RYR2: variants seen among roughly 807,000 people sequenced by gnomAD.
RYR2 encodes the protein ryanodine receptor 2.
RYR2 carries 227 observed loss-of-function variants against 601.1 expected under a neutral mutation model. The observed-to-expected ratio is 0.38, with a 90% CI of 0.34 to 0.42. RYR2 has a LOEUF of 0.42. RYR2 is among the 10% of genes least tolerant of loss of function. The probability of loss-of-function intolerance (pLI) is 1.00; values close to 1 mark genes in which losing one functional copy is unlikely to be tolerated. For missense variants in RYR2, 4,646 were observed against 6,156.5 expected (o/e 0.75, Z 8.21); for synonymous variants, 2,223 against 2,175.1 (o/e 1.02, Z -0.61).
intron 63 of RYR2, among the ~76,000 whole-genome samples, chr1:237,694,242 C>A (rs954317470): frequency 6.7e-6 from 1 of 148,258 alleles, no homozygotes; most frequent in African/African-American, 2.5e-5. Context: ...TGCAGTGAGC[C>A]GAGATCATGC....
intron 1 of RYR2, among the ~76,000 whole-genome samples, chr1:237,104,832 T>G (rs541873727): frequency 6.6e-6 from 1 of 152,332 alleles, no homozygotes; most frequent in East Asian, 1.9e-4. Context: ...TGCCTGTGCG[T>G]GGCAGGCCCT....
rs564423993 is a variant in RYR2, at chr1:237,769,093, G to A, written c.11477-1714G>A. On this transcript the variant is annotated intron_variant, in intron 84 of 104. Coordinates refer to ENST00000366574, the MANE Select transcript of RYR2 (RefSeq NM_001035.3). ...TTCTAGTAAGGGTTACTTCTTTCACGAATATATGAACACTTAAAGTGTGTA... is the reference window on the plus strand; with the variant it reads ...TTCTAGTAAGGGTTACTTCTTTCACAAATATATGAACACTTAAAGTGTGTA... Among the ~76,000 whole-genome samples, 11 of 152,092 alleles carry A rather than the reference G, an allele frequency of 7.2e-5. No homozygotes were observed. The South Asian group carries it at 1.2e-3, about 17-fold the overall frequency.
At position 237,081,967 on chromosome 1, in the gene RYR2, A is replaced by T. The variant is rs141888912; in HGVS notation, c.48+39398A>T. 7.1e-3 allele frequency among the ~76,000 whole-genome samples: 1,082 copies of T among 152,276 alleles called. 7 individuals are homozygous for T. Among genetic ancestry groups the T allele is most frequent in the Non-Finnish European group, 0.011 (756 of 68,024 alleles). On this transcript the variant is annotated intron_variant, in intron 1 of 104. Coordinates refer to ENST00000366574, the MANE Select transcript of RYR2 (RefSeq NM_001035.3). ...AGGGAAAGGCTAATTACTCCAAGATAACTGTGATTTCTTAATGGGGAGAAG... is the reference window on the plus strand; with the variant it reads ...AGGGAAAGGCTAATTACTCCAAGATTACTGTGATTTCTTAATGGGGAGAAG...
At chr1:237,454,104 G>T (rs897688172) in intron 14 of RYR2, among the ~76,000 whole-genome samples, 2 of 152,070 alleles carry the variant, frequency 1.3e-5, no homozygotes, top group Non-Finnish European at 2.9e-5. Context: ...AAATCAACTG[G>T]TTTCTGAACA....
intron 19 of RYR2, among the ~76,000 whole-genome samples, chr1:237,493,863 T>G (rs527982143): frequency 3.3e-5 from 5 of 152,320 alleles, no homozygotes; most frequent in African/African-American, 7.2e-5. Flanking sequence ...AGATCTGCCT[T>G]CCAAGGCACC....
intron 88 of RYR2, among the ~76,000 whole-genome samples, chr1:237,781,255 G>T (rs1695083550): frequency 6.6e-6 from 1 of 152,006 alleles, no homozygotes; most frequent in Admixed American, 6.6e-5. Flanking sequence ...TTGCCATGTT[G>T]CCCAGCCTGG....
In RYR2 at chr1:237,573,283, C is replaced by T. The variant is rs183594558; in HGVS notation, c.3598+3964C>T. 2.0e-4 allele frequency among the ~76,000 whole-genome samples: 30 copies of T among 151,692 alleles called. No individual in the cohort carries two copies. In the East Asian group the frequency reaches 5.1e-3, roughly 26 times the overall value. Reference sequence around the variant, plus strand: ...GCATACATATGTATATGTGTGTATGCGCACACATACACACAGACACATGCT... The same window carrying T: ...GCATACATATGTATATGTGTGTATGTGCACACATACACACAGACACATGCT... On this transcript the variant is annotated intron_variant, in intron 29 of 104. Transcript: ENST00000366574.
At chr1:237,713,657 A>C (rs1204366280) in intron 71 of RYR2, among the ~76,000 whole-genome samples, 3 of 152,140 alleles carry the variant, frequency 2.0e-5, no homozygotes, top group African/African-American at 7.2e-5. Flanking sequence ...TCGGCCTCCC[A>C]AAGTACCTGG....
chr1:237,186,742 GT>G (rs1450947052), intron 1 of RYR2, among the ~76,000 whole-genome samples: 1 of 152,206 alleles, frequency 6.6e-6, no homozygotes, highest in African/African-American at 2.4e-5. Flanking sequence ...TTGATTGACT[GT>G]TGAAAACAGA....
intron 1 of RYR2, among the ~76,000 whole-genome samples, chr1:237,192,109 A>G (rs1680025127): frequency 6.6e-6 from 1 of 152,018 alleles, no homozygotes; most frequent in Non-Finnish European, 1.5e-5. Flanking sequence ...GAGGCCTGAT[A>G]GCCCACAGGG....
At chr1:237,638,213 T>TA in intron 44 of RYR2, 144 bp from the exon 45 acceptor site, 1 of 904,736 alleles carries the variant, frequency 1.1e-6, no homozygotes, top group South Asian at 1.8e-5. Flanking sequence ...GGAGTTCAAG[T>TA]AGATTATCAT....
In RYR2 at chr1:237,153,718, T is replaced by TA. The variant is rs1674993360; in HGVS notation, c.48+111150dup. ...CAAAACCGTTATTTTAGGCCACAGG[T>TA]AGAAAATGAGCAACATAAATTTAGA... On this transcript the variant is annotated intron_variant, in intron 1 of 104. Coordinates refer to ENST00000366574, the MANE Select transcript of RYR2 (RefSeq NM_001035.3). Among the ~76,000 whole-genome samples, 3 of 152,130 alleles carry TA rather than the reference T, an allele frequency of 2.0e-5. No individual in the cohort carries two copies. In the South Asian group the frequency reaches 6.2e-4, roughly 32 times the overall value.
intron 88 of RYR2, among the ~76,000 whole-genome samples, chr1:237,779,601 A>G (rs572232677): frequency 4.0e-4 from 61 of 152,322 alleles, no homozygotes; most frequent in African/African-American, 1.4e-3. Context: ...TCTCTGCAGT[A>G]AAGTGAAGAA....
At chr1:237,251,028 ATGTGTGTGTG>A (rs3056167) in intron 1 of RYR2, among the ~76,000 whole-genome samples, 21 of 139,224 alleles carry the variant, frequency 1.5e-4, no homozygotes, top group African/African-American at 4.4e-4. Flanking sequence ...TCCCCAACAG[ATGTGTGTGTG>A]TGTGTGTGTG....
At chr1:237,249,160 A>G (rs1315555322) in intron 1 of RYR2, among the ~76,000 whole-genome samples, 1 of 152,236 alleles carries the variant, frequency 6.6e-6, no homozygotes, top group African/African-American at 2.4e-5. Context: ...TTCCATTACT[A>G]GATGAAATTT....
intron 2 of RYR2, among the ~76,000 whole-genome samples, chr1:237,320,606 T>C (rs1264327384): frequency 1.3e-5 from 2 of 152,218 alleles, no homozygotes; most frequent in African/African-American, 2.4e-5. Context: ...CTTGGCCTCA[T>C]ATCCAAAGGT....
At chr1:237,432,125 C>T (rs1273674614) in intron 12 of RYR2, among the ~76,000 whole-genome samples, 2 of 150,316 alleles carry the variant, frequency 1.3e-5, no homozygotes, top group Admixed American at 6.7e-5. Flanking sequence ...TTTCTTGGAA[C>T]GCATGTGGCT....
intron 94 of RYR2, among the ~76,000 whole-genome samples, chr1:237,793,369 C>A (rs372970887): frequency 2.0e-4 from 31 of 152,200 alleles, no homozygotes; most frequent in Admixed American, 6.5e-5. Flanking sequence ...AATATTTTGA[C>A]AAACTGACAG....
chr1:237,476,504 T>C (rs1487268782), intron 17 of RYR2, among the ~76,000 whole-genome samples: 1 of 98,764 alleles, frequency 1.0e-5, no homozygotes, highest in Non-Finnish European at 1.8e-5. Flanking sequence ...CGTGAGACTC[T>C]GTCTCAAAAA....
Sources: gnomAD v4.1 joint callset for allele counts (sites outside exome capture counted in the v4.1 genomes callset) on GRCh38, gnomAD v4.1.1 for gene constraint, MANE v1.5 for transcripts, NCBI Gene and HGNC (gene_info 2026-07-23, HGNC 2026-07-21) for gene names.